Variants in VPS8 observed in about 807,000 individuals in gnomAD.
VPS8 encodes VPS8 subunit of CORVET complex, also known as vacuolar protein sorting-associated protein 8 homolog.
In VPS8, 129 loss-of-function variants were observed where a neutral mutation model predicts 216.4. That is an observed-to-expected ratio of 0.60 (90% confidence interval 0.52 to 0.69). The LOEUF (loss-of-function observed/expected upper bound fraction) is 0.69. VPS8 is among the 30% of genes least tolerant of loss of function. The pLI is 0.00. For synonymous variants in VPS8, 571 were observed against 565.4 expected, an observed-to-expected ratio of 1.01 and a Z score of -0.14; for missense variants, 1,531 against 1,683.5, an observed-to-expected ratio of 0.91 and a Z score of 1.59.
chr3:184,908,048 G>T (rs114913533), intron 25 of VPS8, among the ~76,000 whole-genome samples: 2 of 152,002 alleles, frequency 1.3e-5, no homozygotes, highest in East Asian at 3.9e-4. Flanking sequence ...AAGGTTTTTG[G>T]TGCACCACTT....
rs1171424391 is a variant in VPS8, at chr3:184,832,765, A to G, written c.299A>G (p.Tyr100Cys). Reference sequence around the variant, plus strand: ...ATTGATACTATTGATTCTCACTCCTATGATACTTCATCTGTGGCAAGCTCA... The same window carrying G: ...ATTGATACTATTGATTCTCACTCCTGTGATACTTCATCTGTGGCAAGCTCA... ...LNIDTIDSHS[Y>C]DTSSVASSDS... Residue 100 changes from tyrosine (Y) to cysteine (C), a missense_variant, in exon 4 of 48, where the codon TAT (tyrosine) becomes TGT (cysteine). This residue lies in a region of VPS8 where 199 missense variants were observed against 182.2 expected (regional missense o/e 1.09). Coordinates refer to ENST00000625842, the MANE Select transcript of VPS8 (RefSeq NM_001009921.3). 3.7e-6 allele frequency: 6 copies of G among 1,609,822 alleles called. No individual in the cohort carries two copies. The highest frequency in any genetic ancestry group is 1.7e-5 in the Admixed American group (1 of 59,516).
chr3:184,892,051 C>T (rs1732445031), intron 22 of VPS8, among the ~76,000 whole-genome samples: 1 of 151,688 alleles, frequency 6.6e-6, no homozygotes, highest in Non-Finnish European at 1.5e-5. Flanking sequence ...TCTCTTTGGT[C>T]CTCTATTATT....
At chr3:184,911,482 T>C (rs1029814905) in intron 25 of VPS8, among the ~76,000 whole-genome samples, 4 of 152,226 alleles carry the variant, frequency 2.6e-5, no homozygotes, top group Non-Finnish European at 5.9e-5. Context: ...CAAGCTACAG[T>C]AGGATCTTCG....
intron 31 of VPS8, among the ~76,000 whole-genome samples, chr3:184,927,164 A>G (rs1396365656): frequency 2.6e-5 from 4 of 152,112 alleles, no homozygotes; most frequent in South Asian, 2.1e-4. Flanking sequence ...TGTTCATGCC[A>G]CTTTCTTGAG....
chr3:184,824,850 A>G, intron 2 of VPS8, 65 bp downstream of exon 2: 1 of 1,455,340 alleles, frequency 6.9e-7, no homozygotes. Context: ...ATGCTTTGTG[A>G]CCCAGAGACT....
intron 37 of VPS8, among the ~76,000 whole-genome samples, chr3:184,960,464 A>G (rs898310687): frequency 6.6e-6 from 1 of 152,222 alleles, no homozygotes; most frequent in Non-Finnish European, 1.5e-5. Context: ...AGTTTAACAT[A>G]ATAACCCAAA....
chr3:184,838,027 C>G (rs1246954278), intron 5 of VPS8, among the ~76,000 whole-genome samples: 2 of 152,188 alleles, frequency 1.3e-5, no homozygotes, highest in Admixed American at 6.5e-5. Context: ...GCTATGTGAG[C>G]ATAGAATTGA....
At chr3:185,020,931 G>C (rs1444677123) in intron 45 of VPS8, among the ~76,000 whole-genome samples, 4 of 152,150 alleles carry the variant, frequency 2.6e-5, no homozygotes, top group African/African-American at 7.2e-5. Context: ...AATTAGCCGG[G>C]CATGGTGGGG....
At chr3:185,024,454 C>T in intron 46 of VPS8, 65 bp downstream of exon 46, 1 of 1,445,870 alleles carries the variant, frequency 6.9e-7, no homozygotes, top group Non-Finnish European at 9.5e-7. Flanking sequence ...CTATGTGGAA[C>T]AATATTCTCA....
intron 1 of VPS8, among the ~76,000 whole-genome samples, chr3:184,822,429 C>A (rs960618610): frequency 6.6e-6 from 1 of 152,062 alleles, no homozygotes; most frequent in Non-Finnish European, 1.5e-5. Flanking sequence ...GTCTTGGAAC[C>A]TCTTAATAAC....
intron 45 of VPS8, among the ~76,000 whole-genome samples, chr3:185,002,632 G>A (rs1156358659): frequency 6.6e-6 from 1 of 152,008 alleles, no homozygotes; most frequent in African/African-American, 2.4e-5. Flanking sequence ...AGTCCCCAAA[G>A]TCCATTATTT....
rs755250562 is a variant in VPS8, at chr3:184,854,186, C to T, written c.1035+13C>T. ...TCCCTATGGCCGGGTGAGTACGTCC[C>T]TCCATCTTATTTGCCAAAGGAAGGA... On this transcript the variant is annotated intron_variant, in intron 13 of 47. Coordinates refer to ENST00000625842, the MANE Select transcript of VPS8 (RefSeq NM_001009921.3). 2 of 1,613,276 alleles carry T rather than the reference C, an allele frequency of 1.2e-6. No homozygotes were observed. The highest frequency in any genetic ancestry group is 1.1e-5 in the South Asian group (1 of 91,042).
intron 40 of VPS8, among the ~76,000 whole-genome samples, chr3:184,981,693 C>T (rs567622214): frequency 6.6e-6 from 1 of 152,182 alleles, no homozygotes; most frequent in East Asian, 1.9e-4. Flanking sequence ...GCCTCGGCCT[C>T]CCAAAGTGCT....
At chr3:184,893,541 T>C (rs1309857785) in intron 22 of VPS8, 3 of 405,514 alleles carry the variant, frequency 7.4e-6, no homozygotes, top group Non-Finnish European at 1.0e-5. Flanking sequence ...CATAAAAGAA[T>C]TATTAAATTG....
chr3:184,913,530 G>T lies in VPS8; in HGVS notation c.2158G>T (p.Val720Phe). The T allele has an allele frequency of 1.3e-6, 2 of 1,588,028 alleles. No individual in the cohort carries two copies. The highest frequency in any genetic ancestry group is 8.6e-7 in the Non-Finnish European group (1 of 1,167,672). ...TCTTTCTATTTTAGATGAACAAGTT[G>T]TTATGGGCAATAAGCTCCTTGTATA... ...AGKTLTDEQV[V>F]MGNKLLVYIS... The change falls in exon 26 of 48, where the codon GTT (valine) becomes TTT (phenylalanine). Residue 720 changes from valine to phenylalanine, a missense_variant. By Grantham distance (50) the Val-to-Phe change is conservative (BLOSUM62 -1). Transcript: ENST00000625842.
intron 47 of VPS8, among the ~76,000 whole-genome samples, chr3:185,049,256 T>C (rs2108549478): frequency 6.6e-6 from 1 of 152,334 alleles, no homozygotes; most frequent in Admixed American, 6.5e-5. Context: ...GGAGGGCTTC[T>C]ATCAGTCACT....
chr3:185,039,524 T>TG (rs11406551), intron 46 of VPS8, among the ~76,000 whole-genome samples: 325 of 151,574 alleles, frequency 2.1e-3, no homozygotes, highest in Middle Eastern at 0.01. Flanking sequence ...TATGACACTG[T>TG]GGGGTTTTTT....
chr3:184,897,397 G>A (rs569740195), intron 23 of VPS8, among the ~76,000 whole-genome samples: 65 of 152,326 alleles, frequency 4.3e-4, no homozygotes, highest in Non-Finnish European at 8.7e-4. Flanking sequence ...AGGGTGAATA[G>A]TGAGTGATTC....
At chr3:184,944,114 T>C (rs151047962) in intron 36 of VPS8, among the ~76,000 whole-genome samples, 1,590 of 152,320 alleles carry the variant, frequency 0.01, 29 homozygotes, top group African/African-American at 0.036. Context: ...GTTTTTATTT[T>C]GTCAACAGCA....
Sources: gnomAD v4.1 joint callset for allele counts (sites outside exome capture counted in the v4.1 genomes callset) on GRCh38, gnomAD v4.1.1 for gene constraint, gnomAD v4.1.1 regional missense constraint, MANE v1.5 for transcripts, NCBI Gene and HGNC (gene_info 2026-07-23, HGNC 2026-07-21) for gene names.